Variants in RBFOX1 observed in about 807,000 individuals in gnomAD.
RBFOX1 encodes the protein RNA binding fox-1 homolog 1, also known as RNA binding protein fox-1 homolog 1.
Under a neutral mutation model 57.7 loss-of-function variants are expected in RBFOX1, and 8 were observed. That is an observed-to-expected ratio of 0.14 (90% CI 0.08 to 0.25). The LOEUF (loss-of-function observed/expected upper bound fraction) is 0.25. Ranked by LOEUF, RBFOX1 falls within the 10% of genes least tolerant of loss-of-function variation. The probability of loss-of-function intolerance (pLI) is 1.00; values close to 1 mark genes in which losing one functional copy is unlikely to be tolerated. For missense variants in RBFOX1, 611 were observed against 548.5 expected, an observed-to-expected ratio of 1.11 and a Z score of -1.14; for synonymous variants, 326 against 222.4, an observed-to-expected ratio of 1.47 and a Z score of -4.15.
At chr16:7,228,582 A>G (rs572731818) in intron 4 of RBFOX1, among the ~76,000 whole-genome samples, 1 of 152,352 alleles carries the variant, frequency 6.6e-6, no homozygotes, top group South Asian at 2.1e-4. Flanking sequence ...GTCCATGGCC[A>G]CACAGCCGTA....
At chr16:5,943,383 T>G (rs2059321555) in intron 4 of RBFOX1, among the ~76,000 whole-genome samples, 1 of 152,194 alleles carries the variant, frequency 6.6e-6, no homozygotes, top group South Asian at 2.1e-4. Flanking sequence ...TTGTAGGGTT[T>G]CCCTGGGTCC....
chr16:6,575,615 T>C (rs1274184585), intron 2 of RBFOX1, among the ~76,000 whole-genome samples: 2 of 152,154 alleles, frequency 1.3e-5, no homozygotes, highest in East Asian at 1.9e-4. Flanking sequence ...CCCAGCACTT[T>C]GGGAGGCCAC....
intron 4 of RBFOX1, among the ~76,000 whole-genome samples, chr16:7,238,908 C>G (rs1372382721): frequency 2.6e-5 from 4 of 152,084 alleles, no homozygotes; most frequent in African/African-American, 4.8e-5. Context: ...TTTTATGTTC[C>G]TTTGTTAGTT....
intron 3 of RBFOX1, among the ~76,000 whole-genome samples, chr16:6,720,764 T>C (rs2065833046): frequency 6.6e-6 from 1 of 152,192 alleles, no homozygotes; most frequent in Non-Finnish European, 1.5e-5. Flanking sequence ...GTGTGCCACC[T>C]TTTTTATTCT....
chr16:6,338,938 G>A (rs1186949250), intron 2 of RBFOX1, among the ~76,000 whole-genome samples: 2 of 152,272 alleles, frequency 1.3e-5, no homozygotes, highest in South Asian at 4.1e-4. Flanking sequence ...AATGGGAAGG[G>A]GTGAGGGGTG....
At chr16:6,459,149 C>T (rs1224065264) in intron 2 of RBFOX1, among the ~76,000 whole-genome samples, 1 of 152,178 alleles carries the variant, frequency 6.6e-6, no homozygotes, top group East Asian at 1.9e-4. Flanking sequence ...TCCTGGCTAA[C>T]ACAGTGAAAC....
chr16:7,178,775 C>G (rs2082143276), intron 4 of RBFOX1, among the ~76,000 whole-genome samples: 1 of 152,150 alleles, frequency 6.6e-6, no homozygotes, highest in African/African-American at 2.4e-5. Context: ...TTATACTGAC[C>G]AAATGTGCTT....
At chr16:7,226,454 A>G (rs2093127985) in intron 4 of RBFOX1, among the ~76,000 whole-genome samples, 1 of 152,144 alleles carries the variant, frequency 6.6e-6, no homozygotes, top group East Asian at 1.9e-4. Flanking sequence ...GGGTGTGTGT[A>G]TGTGCAGCCT....
chr16:5,499,642 A>T (rs34276295), intron 2 of RBFOX1, among the ~76,000 whole-genome samples: 11,083 of 150,884 alleles, frequency 0.073, 492 homozygotes, highest in Non-Finnish European at 0.092. Flanking sequence ...GTGTGATCTC[A>T]GCTCACTGCA....
intron 2 of RBFOX1, among the ~76,000 whole-genome samples, chr16:6,465,548 C>T (rs1338503740): frequency 6.6e-6 from 1 of 151,858 alleles, no homozygotes; most frequent in Non-Finnish European, 1.5e-5. Context: ...TTTACCTGCA[C>T]TTTTAGTGTA....
intron 3 of RBFOX1, among the ~76,000 whole-genome samples, chr16:7,045,767 T>C (rs556836915): frequency 6.6e-6 from 1 of 152,258 alleles, no homozygotes; most frequent in Admixed American, 6.5e-5. Context: ...GCAGTTCTCT[T>C]GCCTCAGCCT....
intron 4 of RBFOX1, among the ~76,000 whole-genome samples, chr16:7,295,603 T>A (rs561807662): frequency 2.1e-3 from 326 of 152,146 alleles, no homozygotes; most frequent in Non-Finnish European, 3.4e-3. Context: ...GCTGCAAAGG[T>A]ATGATCCAGA....
chr16:5,389,987 C>T (rs572456573), intron 1 of RBFOX1, among the ~76,000 whole-genome samples: 1 of 152,106 alleles, frequency 6.6e-6, no homozygotes, highest in East Asian at 1.9e-4. Flanking sequence ...GCATGAGACA[C>T]CATGCCCGGC....
intron 2 of RBFOX1, among the ~76,000 whole-genome samples, chr16:5,566,685 T>C (rs1022009110): frequency 4.1e-3 from 24 of 5,868 alleles, no homozygotes; most frequent in African/African-American, 6.5e-3. Context: ...TATATGTGTA[T>C]ATATATATAC....
At chr16:6,183,200 G>C (rs867615948) in intron 1 of RBFOX1, among the ~76,000 whole-genome samples, 1 of 152,008 alleles carries the variant, frequency 6.6e-6, no homozygotes, top group Non-Finnish European at 1.5e-5. Flanking sequence ...GGTAAGGAGG[G>C]CTGGGTTCAA....
At chr16:6,833,341 A>G (rs1244600425) in intron 3 of RBFOX1, among the ~76,000 whole-genome samples, 3 of 145,684 alleles carry the variant, frequency 2.1e-5, no homozygotes, top group Non-Finnish European at 3.0e-5. Flanking sequence ...AATTTTTTGT[A>G]TTTTTAGTAG....
intron 3 of RBFOX1, among the ~76,000 whole-genome samples, chr16:6,779,989 T>A (rs369796373): frequency 6.5e-5 from 1 of 15,482 alleles, no homozygotes; most frequent in Non-Finnish European, 9.8e-5. Flanking sequence ...ATTTATATAT[T>A]TATATATTTA....
At chr16:6,789,684 C>G (rs906779777) in intron 3 of RBFOX1, among the ~76,000 whole-genome samples, 2 of 152,102 alleles carry the variant, frequency 1.3e-5, no homozygotes, top group African/African-American at 2.4e-5. Flanking sequence ...CCATTTTCAT[C>G]CTTTTCTTGT....
intron 1 of RBFOX1, among the ~76,000 whole-genome samples, chr16:5,244,525 T>A (rs1340518487): frequency 6.6e-6 from 1 of 152,226 alleles, no homozygotes; most frequent in Non-Finnish European, 1.5e-5. Context: ...GACCAACCTC[T>A]GGGTTTTTGG....
Sources: gnomAD v4.1 joint callset for allele counts (sites outside exome capture counted in the v4.1 genomes callset) on GRCh38, gnomAD v4.1.1 for gene constraint, MANE v1.5 for transcripts, NCBI Gene and HGNC (gene_info 2026-07-23, HGNC 2026-07-21) for gene names.